Variants in DLG2 observed in about 807,000 individuals in gnomAD.
DLG2 encodes the protein disks large homolog 2.
Under a neutral mutation model 132.5 loss-of-function variants are expected in DLG2, and 45 were observed. The ratio of observed to expected loss-of-function variants is 0.34; its 90% CI spans 0.27 to 0.44. DLG2 has a LOEUF of 0.44. Among genes scored for constraint, DLG2 ranks in the 20% least tolerant of loss-of-function variants. The pLI is 1.00. For missense variants in DLG2, 1,045 were observed against 1,196.9 expected (o/e 0.87, Z 1.87); for synonymous variants, 424 against 419.6 (o/e 1.01, Z -0.13).
chr11:85,035,002 G>A (rs1010266973), intron 6 of DLG2, among the ~76,000 whole-genome samples: 58 of 152,158 alleles, frequency 3.8e-4, no homozygotes, highest in African/African-American at 1.4e-3. Context: ...ATAACAGAAG[G>A]CACTCTTTTG....
At chr11:83,769,393 G>T (rs2094285246) in intron 18 of DLG2, among the ~76,000 whole-genome samples, 1 of 151,954 alleles carries the variant, frequency 6.6e-6, no homozygotes, top group Admixed American at 6.6e-5. Context: ...CCCCCATGAA[G>T]CTCATAGTCT....
At chr11:84,924,329 T>C (rs370432952) in intron 6 of DLG2, among the ~76,000 whole-genome samples, 2 of 152,026 alleles carry the variant, frequency 1.3e-5, no homozygotes, top group South Asian at 4.1e-4. Context: ...GCAAAAATAG[T>C]GGGAGGAAAA....
At chr11:84,055,634 C>T (rs1306630910) in intron 11 of DLG2, among the ~76,000 whole-genome samples, 1 of 151,968 alleles carries the variant, frequency 6.6e-6, no homozygotes, top group African/African-American at 2.4e-5. Context: ...CTCTCGAGAC[C>T]CCATTCTTTA....
intron 3 of DLG2, among the ~76,000 whole-genome samples, chr11:85,303,641 A>C (rs1455332183): frequency 6.6e-6 from 1 of 152,154 alleles, no homozygotes; most frequent in East Asian, 1.9e-4. Flanking sequence ...TACTAAGATC[A>C]GAAATTGTGT....
chr11:85,076,237 A>C (rs911892088), intron 6 of DLG2, among the ~76,000 whole-genome samples: 1 of 151,936 alleles, frequency 6.6e-6, no homozygotes, highest in East Asian at 1.9e-4. Flanking sequence ...GAATCACAGT[A>C]TTTTTCCTCA....
chr11:85,423,653 T>C (rs1039997460), intron 3 of DLG2, among the ~76,000 whole-genome samples: 1 of 152,100 alleles, frequency 6.6e-6, no homozygotes, highest in Non-Finnish European at 1.5e-5. Flanking sequence ...TGGAGTTATG[T>C]TCCTAGGAGG....
intron 6 of DLG2, among the ~76,000 whole-genome samples, chr11:85,071,423 C>T (rs758275637): frequency 6.6e-5 from 10 of 151,628 alleles, no homozygotes; most frequent in Non-Finnish European, 1.5e-4. Context: ...ATTATAATGA[C>T]CAAATGTGAT....
intron 4 of DLG2, among the ~76,000 whole-genome samples, chr11:85,184,398 G>A (rs1478764710): frequency 2.0e-5 from 3 of 148,824 alleles, no homozygotes; most frequent in Admixed American, 6.7e-5. Context: ...TTTCTATTAT[G>A]CCAAGGTTTC....
chr11:84,328,518 G>A (rs2098443989), intron 7 of DLG2, among the ~76,000 whole-genome samples: 1 of 152,130 alleles, frequency 6.6e-6, no homozygotes, highest in Non-Finnish European at 1.5e-5. Context: ...GGCTTTTGGA[G>A]CTGTCATAAC....
chr11:83,776,488 C>A (rs937378654), intron 18 of DLG2, among the ~76,000 whole-genome samples: 7 of 152,198 alleles, frequency 4.6e-5, no homozygotes, highest in African/African-American at 1.7e-4. Flanking sequence ...CCTACCCCAG[C>A]CTCTTCGGTG....
intron 3 of DLG2, among the ~76,000 whole-genome samples, chr11:85,397,111 A>G (rs923892209): frequency 4.1e-4 from 62 of 152,310 alleles, no homozygotes; most frequent in Non-Finnish European, 1.6e-4. Context: ...AGAAGAGAGC[A>G]GGGGCCAATA....
At chr11:84,297,956 G>A (rs569414197) in intron 7 of DLG2, among the ~76,000 whole-genome samples, 1 of 152,080 alleles carries the variant, frequency 6.6e-6, no homozygotes, top group Non-Finnish European at 1.5e-5. Flanking sequence ...TCTCAAGTAG[G>A]AACTCAATTG....
In DLG2 at chr11:83,783,152, A is replaced by G. The variant is rs144017279; in HGVS notation, c.1825+3538T>C. On this transcript the variant is annotated intron_variant, in intron 18 of 27. Coordinates refer to ENST00000376104, the MANE Select transcript of DLG2 (RefSeq NM_001142699.3). ...TAAAAGTTGGCAAAAATGAATCACA[A>G]TCACACCACCAGAGAAAAACATCAT... is the stretch of plus-strand genomic sequence containing the variant. Among the ~76,000 whole-genome samples the G allele has an allele frequency of 1.1e-3, 171 of 152,334 alleles. 1 individual carries two copies. In the East Asian group the frequency reaches 0.027, roughly 24 times the overall value.
intron 6 of DLG2, among the ~76,000 whole-genome samples, chr11:84,678,059 A>G (rs1454407867): frequency 6.6e-6 from 1 of 152,052 alleles, no homozygotes; most frequent in Non-Finnish European, 1.5e-5. Flanking sequence ...GCTCACTTGT[A>G]AAAAATTGCG....
At chr11:83,620,819 G>A (rs1431058743) in intron 19 of DLG2, among the ~76,000 whole-genome samples, 2 of 123,656 alleles carry the variant, frequency 1.6e-5, no homozygotes, top group African/African-American at 6.4e-5. Flanking sequence ...GCAGTGAGCC[G>A]AGATCCCGCC....
At chr11:83,668,154 G>A (rs2076063827) in intron 18 of DLG2, among the ~76,000 whole-genome samples, 1 of 150,572 alleles carries the variant, frequency 6.6e-6, no homozygotes, top group Non-Finnish European at 1.5e-5. Context: ...GTTCATGGAA[G>A]CAATGGCTAT....
At chr11:83,556,270 G>A (rs1012113878) in intron 19 of DLG2, among the ~76,000 whole-genome samples, 3 of 152,120 alleles carry the variant, frequency 2.0e-5, no homozygotes, top group Non-Finnish European at 2.9e-5. Context: ...ACATGCGTAT[G>A]GACTGAGGGC....
intron 6 of DLG2, among the ~76,000 whole-genome samples, chr11:84,563,845 T>C (rs2099438083): frequency 6.6e-6 from 1 of 152,202 alleles, no homozygotes; most frequent in African/African-American, 2.4e-5. Context: ...GACAAATTTC[T>C]CATCTGAAAC....
intron 7 of DLG2, among the ~76,000 whole-genome samples, chr11:84,351,133 A>G (rs899227794): frequency 1.3e-5 from 2 of 152,142 alleles, no homozygotes; most frequent in East Asian, 1.9e-4. Context: ...AGATGAAAAA[A>G]AAAGTTTATT....
Sources: allele counts gnomAD v4.1 joint callset (sites outside exome capture counted in the v4.1 genomes callset), GRCh38; gene constraint gnomAD v4.1.1; transcripts MANE v1.5; gene names NCBI Gene and HGNC (gene_info 2026-07-23, HGNC 2026-07-21).